The following HCRTR2 variants were observed in gnomAD, a reference collection of about 807,000 sequenced individuals.
The protein encoded by HCRTR2 is hypocretin receptor 2, also known as orexin receptor type 2.
Under a neutral mutation model 49.0 loss-of-function variants are expected in HCRTR2, and 22 were observed. The ratio of observed to expected loss-of-function variants is 0.45; its 90% CI spans 0.32 to 0.64. The LOEUF is 0.64. Ranked by LOEUF, HCRTR2 falls within the 30% of genes least tolerant of loss-of-function variation. The pLI, the probability that HCRTR2 is intolerant of heterozygous loss-of-function variation, is 0.04. For missense variants in HCRTR2, 491 were observed against 559.4 expected (o/e 0.88, Z 1.23); for synonymous variants, 236 against 205.3 (o/e 1.15, Z -1.28).
rs185229343 is a variant in HCRTR2, at chr6:55,132,107, T to C, written c.-378+25562T>C. Among the ~76,000 whole-genome samples the C allele has an allele frequency of 1.6e-3, 242 of 151,992 alleles. 1 individual carries two copies. Among genetic ancestry groups the C allele is most frequent in the Non-Finnish European group, 2.4e-4 (16 of 67,820 alleles). ...CCTTTAATTAATAAAATTAATAATC[T>C]TTGAATAACACTTTAATTTTATATT... On this transcript the variant is annotated intron_variant, in intron 1 of 7. Coordinates refer to the HCRTR2 transcript ENST00000615358.
rs562660101 is a variant in HCRTR2 at position 55,218,847 on chromosome 6, A to G, written c.224-29792A>G. On this transcript the variant is annotated intron_variant, in intron 1 of 6. Coordinates refer to ENST00000370862, the MANE Select transcript of HCRTR2 (RefSeq NM_001384272.1). ...TTCTCAGCTTTCTTTTTCTAGAGAC[A>G]GAGTCTCACTCTGTCACTCAGGCTG... is the stretch of plus-strand genomic sequence containing the variant. Among the ~76,000 whole-genome samples, 155 of 152,272 alleles carry G rather than the reference A, an allele frequency of 1.0e-3. 1 individual carries two copies. The highest frequency in any genetic ancestry group is 3.6e-3 in the African/African-American group (149 of 41,566).
chr6:55,226,880 G>C (rs1189995297), intron 1 of HCRTR2, among the ~76,000 whole-genome samples: 1 of 151,802 alleles, frequency 6.6e-6, no homozygotes, highest in South Asian at 2.1e-4. Context: ...CACCACGCCC[G>C]GCTAATTGTG....
At chr6:55,245,295 T>C (rs1242948921) in intron 1 of HCRTR2, among the ~76,000 whole-genome samples, 1 of 149,984 alleles carries the variant, frequency 6.7e-6, no homozygotes, top group Non-Finnish European at 1.5e-5. Flanking sequence ...TATAAATATC[T>C]TTTTTTCTTT....
intron 1 of HCRTR2, among the ~76,000 whole-genome samples, chr6:55,225,595 C>T (rs1765989042): frequency 6.6e-6 from 1 of 152,188 alleles, no homozygotes; most frequent in Non-Finnish European, 1.5e-5. Context: ...TTGCACCCCA[C>T]ACAGTCACTC....
downstream of HCRTR2, chr6:55,282,759 G>A: frequency 3.1e-6 from 1 of 320,098 alleles, no homozygotes; most frequent in Non-Finnish European, 5.8e-6. Context: ...ATAATCCCTT[G>A]TTATTTTAAT....
chr6:55,174,750 T>C lies in HCRTR2; in HGVS notation c.163T>C (p.Trp55Arg), dbSNP rs1479472421. ...ATACCTGCACCCGAAAGAATATGAG[T>C]GGGTCCTGATCGCCGGGTACATCAT... ...REYLHPKEYE[W>R]VLIAGYIIVF... The change falls in exon 1 of 7, where the codon TGG becomes CGG. Residue 55 changes from tryptophan (W) to arginine (R), a missense_variant. Trp to Arg is a moderately radical substitution (Grantham distance 101). Coordinates refer to ENST00000370862, the MANE Select transcript of HCRTR2 (RefSeq NM_001384272.1). 1 of 1,613,764 alleles carries C rather than the reference T, an allele frequency of 6.2e-7. No individual in the cohort carries two copies. The highest frequency in any genetic ancestry group is 1.1e-5 in the South Asian group (1 of 91,064).
chr6:55,234,654 T>C (rs1766180426), intron 1 of HCRTR2, among the ~76,000 whole-genome samples: 1 of 152,030 alleles, frequency 6.6e-6, no homozygotes, highest in Admixed American at 6.6e-5. Context: ...CACCAGAATA[T>C]CTAACTCAAA....
intron 1 of HCRTR2, among the ~76,000 whole-genome samples, chr6:55,135,427 C>T (rs1408249829): frequency 6.6e-6 from 1 of 152,010 alleles, no homozygotes; most frequent in East Asian, 1.9e-4. Flanking sequence ...TATCGTAAAA[C>T]CTCTATAATA....
At chr6:55,283,936 G>A (rs1265191364), downstream of HCRTR2, among the ~76,000 whole-genome samples, 1 of 152,030 alleles carries the variant, frequency 6.6e-6, no homozygotes, top group Non-Finnish European at 1.5e-5. Flanking sequence ...CTTATACAAG[G>A]TTTATTGAGA....
chr6:55,276,357 G>A (rs1195081428), intron 4 of HCRTR2, among the ~76,000 whole-genome samples: 3 of 152,020 alleles, frequency 2.0e-5, no homozygotes, highest in Non-Finnish European at 4.4e-5. Flanking sequence ...AAAGATTATC[G>A]AACAGACTTT....
chr6:55,123,556 A>T (rs921144899), intron 1 of HCRTR2, among the ~76,000 whole-genome samples: 2 of 152,070 alleles, frequency 1.3e-5, no homozygotes, highest in Admixed American at 1.3e-4. Flanking sequence ...TTTCCCATCC[A>T]TGTTCATGAG....
chr6:55,206,360 C>CACG (rs1454731423), intron 1 of HCRTR2, among the ~76,000 whole-genome samples: 2 of 152,012 alleles, frequency 1.3e-5, no homozygotes, highest in African/African-American at 4.8e-5. Context: ...AATATGATTT[C>CACG]ACGACTGTGA....
Position 55,174,786 on chromosome 6 carries a change from G to C in HCRTR2, c.199G>C (p.Val67Leu). Residue 67 changes from valine (V) to leucine (L), a missense_variant, in exon 1 of 7, where the codon GTG becomes CTG. Physicochemically the swap from Val to Leu is conservative, Grantham distance 32. Transcript: ENST00000370862. ...LIAGYIIVFV[V>L]ALIGNVLVCV... ...CGCCGGGTACATCATCGTGTTCGTC[G>C]TGGCTCTCATTGGGAACGTCCTGGG... is the stretch of plus-strand genomic sequence containing the variant. The C allele has an allele frequency of 4.3e-6, 7 of 1,613,992 alleles. No homozygotes were observed. The highest frequency in any genetic ancestry group is 5.9e-6 in the Non-Finnish European group (7 of 1,179,986).
At chr6:55,147,483 C>A (rs1764610698) in intron 1 of HCRTR2, among the ~76,000 whole-genome samples, 1 of 152,198 alleles carries the variant, frequency 6.6e-6, no homozygotes, top group South Asian at 2.1e-4. Flanking sequence ...CTCACACCAA[C>A]CTTATGAAAT....
intron 1 of HCRTR2, among the ~76,000 whole-genome samples, chr6:55,218,388 T>A (rs1765829817): frequency 6.6e-6 from 1 of 152,106 alleles, no homozygotes; most frequent in African/African-American, 2.4e-5. Flanking sequence ...AACAATAAAA[T>A]GGCAATAGTA....
chr6:55,280,036 T>C (rs1049664623), intron 5 of HCRTR2, among the ~76,000 whole-genome samples: 11 of 152,288 alleles, frequency 7.2e-5, no homozygotes, highest in South Asian at 2.1e-4. Flanking sequence ...AAAGAAGATA[T>C]ATATTCAACT....
intron 3 of HCRTR2, among the ~76,000 whole-genome samples, chr6:55,257,571 A>C (rs1766676629): frequency 6.7e-6 from 1 of 150,300 alleles, no homozygotes; most frequent in Admixed American, 6.7e-5. Context: ...CTCCATTAAC[A>C]AAAAGATTGC....
At chr6:55,161,464 G>C (rs910763425) in intron 1 of HCRTR2, among the ~76,000 whole-genome samples, 2 of 151,966 alleles carry the variant, frequency 1.3e-5, no homozygotes, top group African/African-American at 4.8e-5. Context: ...GCTAGCAGAA[G>C]ACAAGAAATA....
intron 1 of HCRTR2, among the ~76,000 whole-genome samples, chr6:55,227,570 C>T (rs1213534637): frequency 6.6e-6 from 1 of 152,150 alleles, no homozygotes; most frequent in East Asian, 1.9e-4. Context: ...GTATTACATA[C>T]AATCAAATAT....
Sources: gnomAD v4.1 joint callset for allele counts (sites outside exome capture counted in the v4.1 genomes callset) on GRCh38, gnomAD v4.1.1 for gene constraint, MANE v1.5 for transcripts, NCBI Gene and HGNC (gene_info 2026-07-23, HGNC 2026-07-21) for gene names.